Variants in ZNF804A observed in about 807,000 individuals in gnomAD.
The protein encoded by ZNF804A is zinc finger protein 804A.
ZNF804A carries 2 observed loss-of-function variants against 16.5 expected under a neutral mutation model. The observed-to-expected ratio is 0.12, with a 90% CI of 0.05 to 0.38. The LOEUF (loss-of-function observed/expected upper bound fraction) is 0.38. Ranked by LOEUF, ZNF804A falls within the 10% of genes least tolerant of loss-of-function variation. The probability of loss-of-function intolerance (pLI) is 0.99; values close to 1 mark genes in which losing one functional copy is unlikely to be tolerated. For synonymous variants in ZNF804A, 534 were observed against 489.6 expected (o/e 1.09, Z -1.20); for missense variants, 1,473 against 1,390.7 (o/e 1.06, Z -0.94).
At chr2:184,870,387 A>G (rs11896874) in intron 2 of ZNF804A, among the ~76,000 whole-genome samples, 9,775 of 152,112 alleles carry the variant, frequency 0.064, 1,065 homozygotes, top group African/African-American at 0.22. Flanking sequence ...TTCTTAAACT[A>G]GATAGTGGTA....
At chr2:184,752,086 C>A (rs1346736782) in intron 1 of ZNF804A, among the ~76,000 whole-genome samples, 1 of 151,578 alleles carries the variant, frequency 6.6e-6, no homozygotes, top group African/African-American at 2.4e-5. Flanking sequence ...TCTCAAAGAA[C>A]TAAAAATAGA....
chr2:184,625,094 T>G (rs1041324334), intron 1 of ZNF804A, among the ~76,000 whole-genome samples: 1 of 152,156 alleles, frequency 6.6e-6, no homozygotes, highest in Non-Finnish European at 1.5e-5. Flanking sequence ...ATGTCTAAAA[T>G]TTTTAATTCA....
chr2:184,735,470 A>G (rs902199071), intron 1 of ZNF804A, among the ~76,000 whole-genome samples: 2 of 152,152 alleles, frequency 1.3e-5, no homozygotes, highest in Non-Finnish European at 2.9e-5. Flanking sequence ...AAGGGATAGC[A>G]TTAGGAGAAA....
chr2:184,772,315 C>A (rs919605810), intron 1 of ZNF804A, among the ~76,000 whole-genome samples: 7 of 150,708 alleles, frequency 4.6e-5, no homozygotes, highest in Non-Finnish European at 1.0e-4. Flanking sequence ...CTACTCCAGC[C>A]TTATGCAACA....
In ZNF804A at chr2:184,909,182, A is replaced by G. The variant is rs192303124; in HGVS notation, c.256-24421A>G. 6.6e-5 allele frequency among the ~76,000 whole-genome samples: 10 copies of G among 152,234 alleles called. No homozygotes were observed. The East Asian group carries it at 1.7e-3, about 26-fold the overall frequency. On this transcript the variant is annotated intron_variant, in intron 2 of 3. Transcript: ENST00000302277. ...ACAAGTCTGTTTTCAACAGACAGCA[A>G]CAATGAAATGAGACTGGCTTTGTCC...
At chr2:184,798,212 G>T (rs1473638719) in intron 1 of ZNF804A, among the ~76,000 whole-genome samples, 1 of 151,900 alleles carries the variant, frequency 6.6e-6, no homozygotes, top group East Asian at 1.9e-4. Flanking sequence ...ATAACAATGT[G>T]CCTAGGTAAT....
At chr2:184,795,327 T>C (rs1694615059) in intron 1 of ZNF804A, among the ~76,000 whole-genome samples, 1 of 151,944 alleles carries the variant, frequency 6.6e-6, no homozygotes, top group Non-Finnish European at 1.5e-5. Context: ...AAGCACTAGG[T>C]CAGAAACAAA....
At chr2:184,800,714 C>T (rs1694710989) in intron 1 of ZNF804A, among the ~76,000 whole-genome samples, 2 of 151,846 alleles carry the variant, frequency 1.3e-5, no homozygotes, top group African/African-American at 2.4e-5. Flanking sequence ...ATACCATACT[C>T]TTCACATGTA....
chr2:184,621,607 T>C (rs359884), intron 1 of ZNF804A, among the ~76,000 whole-genome samples: 83,703 of 151,410 alleles, frequency 0.55, 24,016 homozygotes, highest in African/African-American at 0.65. Flanking sequence ...ACTAGGAGTA[T>C]TAATACAATG....
At chr2:184,667,219 C>T (rs982046223) in intron 1 of ZNF804A, among the ~76,000 whole-genome samples, 4 of 151,848 alleles carry the variant, frequency 2.6e-5, no homozygotes, top group Admixed American at 2.0e-4. Context: ...TATTTATTGA[C>T]TAGAATTGTA....
intron 2 of ZNF804A, among the ~76,000 whole-genome samples, chr2:184,912,540 T>A (rs1021929909): frequency 6.6e-6 from 1 of 152,102 alleles, no homozygotes; most frequent in Non-Finnish European, 1.5e-5. Flanking sequence ...ATTTCAACAG[T>A]GGCTGCACCA....
At chr2:184,807,382 G>A (rs1431882887) in intron 1 of ZNF804A, among the ~76,000 whole-genome samples, 1 of 151,780 alleles carries the variant, frequency 6.6e-6, no homozygotes, top group East Asian at 1.9e-4. Context: ...ATGAAAGGGG[G>A]TGAAGGGATA....
intron 1 of ZNF804A, among the ~76,000 whole-genome samples, chr2:184,704,144 T>C (rs1692979793): frequency 7.4e-6 from 1 of 135,204 alleles, no homozygotes; most frequent in African/African-American, 2.5e-5. Flanking sequence ...TCAGATTGAG[T>C]TTCAGGAAAT....
chr2:184,708,666 T>C (rs186665719), intron 1 of ZNF804A, among the ~76,000 whole-genome samples: 12 of 152,220 alleles, frequency 7.9e-5, no homozygotes, highest in African/African-American at 2.9e-4. Flanking sequence ...TAACTCAAGA[T>C]GGGAAATTCT....
intron 1 of ZNF804A, among the ~76,000 whole-genome samples, chr2:184,860,512 T>C (rs1695783508): frequency 6.6e-6 from 1 of 152,138 alleles, no homozygotes; most frequent in Non-Finnish European, 1.5e-5. Flanking sequence ...CAGGGGCCAG[T>C]GTGGCATTGG....
intron 1 of ZNF804A, among the ~76,000 whole-genome samples, chr2:184,608,364 GA>G (rs1437440570): frequency 6.6e-6 from 1 of 152,170 alleles, no homozygotes; most frequent in Non-Finnish European, 1.5e-5. Context: ...CTGTGATAAA[GA>G]AAAGACAATT....
At chr2:184,655,156 C>A (rs546120848) in intron 1 of ZNF804A, among the ~76,000 whole-genome samples, 1 of 152,126 alleles carries the variant, frequency 6.6e-6, no homozygotes, top group Admixed American at 6.6e-5. Flanking sequence ...GGAAATACTG[C>A]CCAGATTGTT....
At chr2:184,668,971 A>C (rs1340015023) in intron 1 of ZNF804A, among the ~76,000 whole-genome samples, 3 of 125,710 alleles carry the variant, frequency 2.4e-5, no homozygotes, top group African/African-American at 1.0e-4. Flanking sequence ...ATTTAGTACC[A>C]GTTCTTCTGA....
chr2:184,610,687 C>T (rs1213717704), intron 1 of ZNF804A, among the ~76,000 whole-genome samples: 2 of 152,144 alleles, frequency 1.3e-5, no homozygotes, highest in African/African-American at 4.8e-5. Flanking sequence ...CAAAATACCA[C>T]TCCCTGGTGA....
Sources: allele counts gnomAD v4.1 joint callset (sites outside exome capture counted in the v4.1 genomes callset), GRCh38; gene constraint gnomAD v4.1.1; transcripts MANE v1.5; gene names NCBI Gene and HGNC (gene_info 2026-07-23, HGNC 2026-07-21).